The following CCNH variants were observed in gnomAD, a reference collection of about 807,000 sequenced individuals.
CCNH encodes the protein cyclin-H.
Under a neutral mutation model 41.9 loss-of-function variants are expected in CCNH, and 31 were observed. The ratio of observed to expected loss-of-function variants is 0.74; its 90% confidence interval spans 0.56 to 1.00. The LOEUF is 1.00. Among genes scored for constraint, CCNH ranks in the 50% least tolerant of loss-of-function variants. The pLI is 0.00. For missense variants in CCNH, 362 were observed against 388.4 expected, an observed-to-expected ratio of 0.93 and a Z score of 0.57; for synonymous variants, 138 against 136.1, an observed-to-expected ratio of 1.01 and a Z score of -0.10.
chr5:87,409,319 T>C lies in CCNH; in HGVS notation c.285A>G (p.Ser95=). The C allele has an allele frequency of 3.8e-6, 6 of 1,575,432 alleles. No homozygotes were observed. The highest frequency in any genetic ancestry group is 5.2e-6 in the Non-Finnish European group (6 of 1,145,918). ...TTATCCTGGGGTGATATTCCATTAC[T>C]GAGTTATTAAGATAAAAACGTTTGA... ...MYFKRFYLNN[S]VMEYHPRIIM... The change falls in exon 3 of 9, where the codon TCA becomes TCG. Residue 95 remains serine, a synonymous_variant. Transcript: ENST00000256897.
At chr5:87,316,244 A>G (rs1021533318), downstream of CCNH, among the ~76,000 whole-genome samples, 7 of 152,184 alleles carry the variant, frequency 4.6e-5, no homozygotes, top group Non-Finnish European at 7.3e-5. Context: ...TGTTCTTGCT[A>G]TGGTACCTGG....
intron 9 of CCNH, among the ~76,000 whole-genome samples, chr5:87,335,424 T>G (rs907517108): frequency 4.2e-5 from 6 of 141,242 alleles, no homozygotes; most frequent in Non-Finnish European, 7.7e-5. Flanking sequence ...ATGAGGTTTT[T>G]TTTTTTTTTT....
intron 7 of CCNH, among the ~76,000 whole-genome samples, chr5:87,398,628 A>T (rs1484933136): frequency 6.6e-6 from 1 of 152,132 alleles, no homozygotes; most frequent in East Asian, 1.9e-4. Context: ...CAATTAAGAG[A>T]CATTAAAGGT....
At chr5:87,383,456 C>T (rs773626190) in intron 9 of CCNH, among the ~76,000 whole-genome samples, 6 of 152,138 alleles carry the variant, frequency 3.9e-5, no homozygotes, top group South Asian at 2.1e-4. Flanking sequence ...ACAACATTTT[C>T]CCAAAGTTAA....
chr5:87,312,086 T>C, the CCNH span, among the ~76,000 whole-genome samples: 1 of 152,366 alleles, frequency 6.6e-6, no homozygotes, highest in South Asian at 2.1e-4. Flanking sequence ...GCAGTATTTT[T>C]CAGATGATCA....
At chr5:87,376,750 T>A in exon 1 of CCNH, 1 of 1,209,742 alleles carries the variant, frequency 8.3e-7, no homozygotes. Flanking sequence ...TCATTCTATT[T>A]TAAATAAATT....
intron 7 of CCNH, 60 bp from the exon 8 acceptor site, chr5:87,395,164 AAAAT>A: frequency 6.8e-7 from 1 of 1,465,836 alleles, no homozygotes; most frequent in Non-Finnish European, 9.4e-7. Flanking sequence ...TATAAAATGT[AAAAT>A]AAACTAGCAA....
chr5:87,394,597 A>G, intron 8 of CCNH, 113 bp from the exon 9 acceptor site: 1 of 1,530,742 alleles, frequency 6.5e-7, no homozygotes, highest in Non-Finnish European at 8.8e-7. Flanking sequence ...TGGATTACAA[A>G]AGATAAACCA....
At chr5:87,311,950 G>A in the CCNH span, among the ~76,000 whole-genome samples, 1 of 152,208 alleles carries the variant, frequency 6.6e-6, no homozygotes, top group Non-Finnish European at 1.5e-5. Flanking sequence ...TATCCAAGGT[G>A]TGGACAACCT....
chr5:87,337,104 A>G (rs1169981157), intron 9 of CCNH, among the ~76,000 whole-genome samples: 1 of 152,090 alleles, frequency 6.6e-6, no homozygotes, highest in Non-Finnish European at 1.5e-5. Context: ...ACAGTTATAG[A>G]TACAGGGTTA....
intron 1 of CCNH, chr5:87,412,418 C>T (rs113434564): frequency 1.4e-5 from 19 of 1,323,852 alleles, no homozygotes; most frequent in African/African-American, 5.9e-5. Flanking sequence ...CACGCACTAC[C>T]TTAGCACACT....
downstream of CCNH, among the ~76,000 whole-genome samples, chr5:87,390,626 GA>G (rs1242225543): frequency 6.6e-6 from 1 of 152,084 alleles, no homozygotes; most frequent in Non-Finnish European, 1.5e-5. Flanking sequence ...TCTTAGTTAT[GA>G]CCAGAAATAC....
chr5:87,338,084 A>C, intron 9 of CCNH: 1 of 1,612,212 alleles, frequency 6.2e-7, no homozygotes, highest in East Asian at 2.2e-5. Flanking sequence ...GACCTAGTAG[A>C]AGAGGTGGTA....
At chr5:87,401,922 G>T in intron 5 of CCNH, 150 bp from the exon 6 acceptor site, 1 of 502,582 alleles carries the variant, frequency 2.0e-6, no homozygotes, top group Non-Finnish European at 3.5e-6. Context: ...TATATTTTAA[G>T]GATTTATTAC....
intron 9 of CCNH, among the ~76,000 whole-genome samples, chr5:87,338,778 TA>T (rs896882286): frequency 2.0e-5 from 3 of 151,610 alleles, no homozygotes; most frequent in Admixed American, 6.6e-5. Context: ...TGTTTGGTTT[TA>T]GATTCTTTAT....
chr5:87,411,011 TTC>T (rs2112584601), intron 2 of CCNH, among the ~76,000 whole-genome samples: 1 of 152,348 alleles, frequency 6.6e-6, no homozygotes, highest in African/African-American at 2.4e-5. Flanking sequence ...TCAAATTTTT[TTC>T]TGACCACAAA....
chr5:87,396,141 T>C (rs1244016055), intron 7 of CCNH, among the ~76,000 whole-genome samples: 1 of 152,178 alleles, frequency 6.6e-6, no homozygotes, highest in Admixed American at 6.5e-5. Flanking sequence ...ATTTACATTG[T>C]ATTTAGGTAT....
intron 9 of CCNH, among the ~76,000 whole-genome samples, chr5:87,329,821 A>G (rs1028388068): frequency 6.6e-6 from 1 of 152,176 alleles, no homozygotes; most frequent in Non-Finnish European, 1.5e-5. Flanking sequence ...TTTCACAACT[A>G]AATAAACTCA....
upstream of CCNH, among the ~76,000 whole-genome samples, chr5:87,377,516 T>C (rs936763693): frequency 7.9e-5 from 12 of 152,072 alleles, no homozygotes; most frequent in African/African-American, 2.2e-4. Flanking sequence ...TTTATTTTTT[T>C]AGTAGAGACG....
Sources: allele counts gnomAD v4.1 joint callset (sites outside exome capture counted in the v4.1 genomes callset), GRCh38; gene constraint gnomAD v4.1.1; transcripts MANE v1.5; gene names NCBI Gene and HGNC (gene_info 2026-07-23, HGNC 2026-07-21).